Variants in NUDT13 observed in about 807,000 individuals in gnomAD.
The protein encoded by NUDT13 is nudix hydrolase 13.
NUDT13 carries 40 observed loss-of-function variants against 41.7 expected under a neutral mutation model. The observed-to-expected ratio is 0.96, with a 90% CI of 0.75 to 1.25. NUDT13 has a LOEUF of 1.25. Ranked by LOEUF, NUDT13 falls within the 50% of genes most tolerant of loss-of-function variation. The pLI is 0.00. For synonymous variants in NUDT13, 145 were observed against 155.5 expected (o/e 0.93, Z 0.50); for missense variants, 390 against 416.1 (o/e 0.94, Z 0.55).
intron 1 of NUDT13, among the ~76,000 whole-genome samples, 190 bp downstream of exon 1, chr10:73,110,757 C>T (rs1020496325): frequency 6.6e-6 from 1 of 152,126 alleles, no homozygotes; most frequent in Admixed American, 6.5e-5. Flanking sequence ...ACATCAGTAA[C>T]CACAGCTCAT....
intron 4 of NUDT13, among the ~76,000 whole-genome samples, chr10:73,122,731 C>T (rs1842675729): frequency 6.7e-6 from 1 of 149,036 alleles, no homozygotes; most frequent in African/African-American, 2.5e-5. Flanking sequence ...ACTACCATGC[C>T]CAGCTAATTT....
At chr10:73,121,133 G>A (rs1161233726) in intron 3 of NUDT13, among the ~76,000 whole-genome samples, 1 of 152,090 alleles carries the variant, frequency 6.6e-6, no homozygotes, top group Admixed American at 6.5e-5. Flanking sequence ...CAGCACTTTG[G>A]GAGGCTGAGG....
At position 73,130,794 on chromosome 10, in the gene NUDT13, A is replaced by T. The variant is rs112073647; in HGVS notation, c.950A>T (p.Gln317Leu). ...TALKRKGPYT[Q>L]QQNGTFPFWL... Reference sequence around the variant, plus strand: ...CTGAAGAGAAAGGGCCCCTATACTCAGCAACAGAATGGGACTTTCCCATTC... The same window carrying T: ...CTGAAGAGAAAGGGCCCCTATACTCTGCAACAGAATGGGACTTTCCCATTC... Residue 317 changes from glutamine (Q) to leucine (L), a missense_variant, in exon 9 of 9, where the codon CAG becomes CTG. Transcript: ENST00000357321. 10 of 1,613,870 alleles carry T rather than the reference A, an allele frequency of 6.2e-6. No individual in the cohort carries two copies. In the African/African-American group the frequency reaches 8.0e-5, roughly 13 times the overall value.
chr10:73,126,620 G>T, intron 7 of NUDT13, 53 bp from the exon 8 acceptor site: 3 of 1,590,568 alleles, frequency 1.9e-6, no homozygotes, highest in Non-Finnish European at 2.6e-6. Context: ...TGGGCTGTCT[G>T]TATCACCCTT....
chr10:73,113,965 AT>A (rs964149307), intron 1 of NUDT13, among the ~76,000 whole-genome samples: 3 of 152,066 alleles, frequency 2.0e-5, no homozygotes, highest in Admixed American at 6.6e-5. Context: ...TTAGTTACAG[AT>A]TTTTTTTCTT....
At position 73,124,237 on chromosome 10, in the gene NUDT13, G is replaced by A. The variant is rs1159145378; in HGVS notation, c.382G>A (p.Glu128Lys). Residue 128 changes from glutamate to lysine, a missense_variant, in exon 5 of 9, where the codon GAG becomes AAG. Physicochemically the swap from Glu to Lys is moderately conservative, Grantham distance 56 (BLOSUM62 1). Coordinates refer to ENST00000357321, the MANE Select transcript of NUDT13 (RefSeq NM_015901.6). ...AGCCTCCTTACACAAACCTGAAATG[G>A]AGACAGAGCTCAAGGGGTCTTTCAT... is the stretch of plus-strand genomic sequence containing the variant. ...ISASLHKPEM[E>K]TELKGSFIEL... is the part of the protein sequence containing the mutation. The A allele has an allele frequency of 1.2e-6, 2 of 1,612,422 alleles. No individual in the cohort carries two copies. The highest frequency in any genetic ancestry group is 4.5e-5 in the East Asian group (2 of 44,872).
chr10:73,112,585 G>A (rs1842395499), intron 1 of NUDT13, among the ~76,000 whole-genome samples: 1 of 151,718 alleles, frequency 6.6e-6, no homozygotes. Flanking sequence ...GGTATACATT[G>A]TGAAATGATT....
intron 8 of NUDT13, among the ~76,000 whole-genome samples, chr10:73,127,734 C>CT (rs75940953): frequency 8.7e-4 from 124 of 142,122 alleles, no homozygotes; most frequent in Non-Finnish European, 9.3e-4. Flanking sequence ...TCCCACCCCA[C>CT]TTTTTTTTTT....
chr10:73,123,949 T>C (rs1842709916), intron 4 of NUDT13, among the ~76,000 whole-genome samples: 1 of 152,106 alleles, frequency 6.6e-6, no homozygotes, highest in Non-Finnish European at 1.5e-5. Flanking sequence ...TTTTAAATTT[T>C]AGAGATGGGG....
rs780401698 is a variant in NUDT13, at chr10:73,122,212, A to T, written c.261A>T (p.Ala87=). 1.2e-6 allele frequency: 2 copies of T among 1,613,978 alleles called. No individual in the cohort carries two copies. The highest frequency in any genetic ancestry group is 4.5e-5 in the East Asian group (2 of 44,872). The change falls in exon 4 of 9, where the codon GCA becomes GCT. Residue 87 remains alanine, a synonymous_variant. Coordinates refer to ENST00000357321, the MANE Select transcript of NUDT13 (RefSeq NM_015901.6). Reference sequence around the variant, plus strand: ...TCCTGGGTAAATTTGGACAGGATGCACAAAGAATAGAAGATTCTGTGCTGA... The same window carrying T: ...TCCTGGGTAAATTTGGACAGGATGCTCAAAGAATAGAAGATTCTGTGCTGA... ...ERLLGKFGQD[A]QRIEDSVLIG... is the part of the protein sequence containing the mutation.
At chr10:73,112,707 TTACCA>T (rs1262182982) in intron 1 of NUDT13, among the ~76,000 whole-genome samples, 5 of 151,960 alleles carry the variant, frequency 3.3e-5, no homozygotes, top group East Asian at 1.9e-4. Flanking sequence ...TGAACTATAG[TTACCA>T]TACAACACAA....
chr10:73,131,203 C>T lies in NUDT13; in HGVS notation c.*300C>T. The T allele has an allele frequency of 3.7e-6, 1 of 271,568 alleles. No individual in the cohort carries two copies. 16.8% of individuals were successfully genotyped at this position (271,568 alleles called of 1,614,324 possible). A position where few individuals can be genotyped will look rare whatever the true frequency, so the allele number is the denominator to read the frequency against. ...CTTGTTCAGTCATTTTCTCTAAGGCCTTGGAAGCAAACATCTTCTGGCATA... is the reference window on the plus strand; with the variant it reads ...CTTGTTCAGTCATTTTCTCTAAGGCTTTGGAAGCAAACATCTTCTGGCATA... On this transcript the variant is annotated 3_prime_UTR_variant, in exon 9 of 9. Coordinates refer to ENST00000357321, the MANE Select transcript of NUDT13 (RefSeq NM_015901.6).
chr10:73,125,216 T>C lies in NUDT13; in HGVS notation c.564T>C (p.Pro188=). ...TGGCTGGCAGCAAGCGTGTGTGCCC[T>C]TCCAATAATATAATCTATTATCCAC... ...KNVAGSKRVC[P]SNNIIYYPQM... The change falls in exon 6 of 9, where the codon CCT becomes CCC. Residue 188 remains proline, a synonymous_variant. Transcript: ENST00000357321. 6.2e-7 allele frequency: 1 copy of C among 1,612,666 alleles called. No individual in the cohort carries two copies. Among genetic ancestry groups the C allele is most frequent in the Non-Finnish European group, 8.5e-7 (1 of 1,179,636 alleles).
rs761385116 is a variant in NUDT13 at position 73,120,142 on chromosome 10, C to T, written c.208C>T (p.Arg70Trp). 3.2e-5 allele frequency: 51 copies of T among 1,614,180 alleles called. No individual in the cohort carries two copies. The highest frequency in any genetic ancestry group is 8.0e-5 in the African/African-American group (6 of 75,064). The stretch of plus-strand genomic sequence containing the variant: ...TTCAGCACATCAATACCTGGCCCCC[C>T]GGCACAGCCTGTTAGGTAAGTCCAG... ...QTSAHQYLAP[R>W]HSLLELERLL... Residue 70 changes from arginine (R) to tryptophan (W), a missense_variant, in exon 3 of 9, where the codon CGG becomes TGG. Physicochemically the swap from Arg to Trp is moderately radical, Grantham distance 101. Coordinates refer to ENST00000357321, the MANE Select transcript of NUDT13 (RefSeq NM_015901.6).
At chr10:73,113,139 G>C (rs1372041916) in intron 1 of NUDT13, among the ~76,000 whole-genome samples, 1 of 152,214 alleles carries the variant, frequency 6.6e-6, no homozygotes, top group Non-Finnish European at 1.5e-5. Context: ...CGCCCGCCTC[G>C]GCCTCCCAAA....
intron 1 of NUDT13, among the ~76,000 whole-genome samples, 175 bp downstream of exon 1, chr10:73,110,742 G>C (rs1357401135): frequency 1.3e-5 from 2 of 152,098 alleles, no homozygotes; most frequent in African/African-American, 4.8e-5. Flanking sequence ...CATAACTGTG[G>C]AGCTACATCA....
In NUDT13 at chr10:73,131,759, A is replaced by T. The variant is rs868459511; in HGVS notation, c.*856A>T. The T allele has an allele frequency of 6.6e-6, 1 of 152,374 alleles. No individual in the cohort carries two copies. Among genetic ancestry groups the T allele is most frequent in the Middle Eastern group, 3.4e-3 (1 of 294 alleles). The allele number at this position is 152,374 out of a possible 1,614,324, so 9.4% of individuals were successfully genotyped here. A position where few individuals can be genotyped will look rare whatever the true frequency, so the allele number is the denominator to read the frequency against. On this transcript the variant is annotated 3_prime_UTR_variant, in exon 9 of 9. Coordinates refer to ENST00000357321, the MANE Select transcript of NUDT13 (RefSeq NM_015901.6). ...GAATAAACTAAATTTAGGATTTCTC[A>T]TCATTCATATATGATGCCATAAGGG...
At position 73,131,068 on chromosome 10, in the gene NUDT13, G is replaced by C; in HGVS notation, c.*165G>C. 1 of 542,732 alleles carries C rather than the reference G, an allele frequency of 1.8e-6. No individual in the cohort carries two copies. The highest frequency in any genetic ancestry group is 3.2e-5 in the East Asian group (1 of 31,698). The allele number at this position is 542,732 out of a possible 1,614,324, so 33.6% of individuals were successfully genotyped here. A position where few individuals can be genotyped will look rare whatever the true frequency, so the allele number is the denominator to read the frequency against. On this transcript the variant is annotated 3_prime_UTR_variant, in exon 9 of 9. Coordinates refer to ENST00000357321, the MANE Select transcript of NUDT13 (RefSeq NM_015901.6). ...ACTTCTATCAGCAGTGTTAATGGAAGAAATTCCTACCAATGGGCAATCAAA... is the reference window on the plus strand; with the variant it reads ...ACTTCTATCAGCAGTGTTAATGGAACAAATTCCTACCAATGGGCAATCAAA...
chr10:73,113,930 G>A (rs1218746066), intron 1 of NUDT13, among the ~76,000 whole-genome samples: 1 of 152,154 alleles, frequency 6.6e-6, no homozygotes, highest in East Asian at 1.9e-4. Context: ...AATTTAAAGG[G>A]ACCATCTTGG....
Sources: allele counts gnomAD v4.1 joint callset (sites outside exome capture counted in the v4.1 genomes callset), GRCh38; gene constraint gnomAD v4.1.1; transcripts MANE v1.5; gene names NCBI Gene and HGNC (gene_info 2026-07-23, HGNC 2026-07-21).